Variants in RFX3 observed in about 807,000 individuals in gnomAD.
RFX3 encodes regulatory factor X3, also known as transcription factor RFX3.
Under a neutral mutation model 98.6 loss-of-function variants are expected in RFX3, and 14 were observed. The ratio of observed to expected loss-of-function variants is 0.14; its 90% CI spans 0.09 to 0.22. The LOEUF (loss-of-function observed/expected upper bound fraction) is 0.22. Ranked by LOEUF, RFX3 falls within the 10% of genes least tolerant of loss-of-function variation. The pLI, the probability that RFX3 is intolerant of heterozygous loss-of-function variation, is 1.00. For missense variants in RFX3, 639 were observed against 926.9 expected (o/e 0.69, Z 4.03); for synonymous variants, 383 against 328.4 (o/e 1.17, Z -1.80).
Position 3,224,896 on chromosome 9 carries a change from A to G in RFX3, c.*146T>C. The stretch of plus-strand genomic sequence containing the variant: ...AAAAAAGATCTGGCAAAATACATAC[A>G]CCCATTCCATTTCACAACTCCAAAA... On this transcript the variant is annotated 3_prime_UTR_variant, in exon 17 of 17. Coordinates refer to ENST00000617270, the MANE Select transcript of RFX3 (RefSeq NM_001282116.2). 2 of 743,648 alleles carry G rather than the reference A, an allele frequency of 2.7e-6. No homozygotes were observed. The highest frequency in any genetic ancestry group is 4.5e-6 in the Non-Finnish European group (2 of 448,610). 46.1% of individuals were successfully genotyped at this position (743,648 alleles called of 1,614,324 possible).
chr9:3,504,914 A>ATCTT (rs1564185675), intron 1 of RFX3, among the ~76,000 whole-genome samples: 2 of 68,930 alleles, frequency 2.9e-5, no homozygotes, highest in African/African-American at 1.6e-4. Context: ...ATATATATAT[A>ATCTT]ATATAACATA....
At chr9:3,394,575 T>A (rs1303221296) in intron 2 of RFX3, among the ~76,000 whole-genome samples, 1 of 152,176 alleles carries the variant, frequency 6.6e-6, no homozygotes, top group Non-Finnish European at 1.5e-5. Flanking sequence ...CAATTCTATA[T>A]CCTGTAAAGA....
chr9:3,452,100 G>A (rs1846694557), intron 1 of RFX3, among the ~76,000 whole-genome samples: 1 of 150,850 alleles, frequency 6.6e-6, no homozygotes, highest in South Asian at 2.1e-4. Flanking sequence ...AGACAAACCT[G>A]CTGCAAGGGC....
At position 3,490,294 on chromosome 9, in the gene RFX3, G is replaced by A. The variant is rs1026117518; in HGVS notation, c.-9+35453C>T. ...TTCAAATTACCTCATATTCCTTCCA[G>A]AGCCAAACTCAACGTATTCTCTACC... On this transcript the variant is annotated intron_variant, in intron 1 of 16. Coordinates refer to ENST00000617270, the MANE Select transcript of RFX3 (RefSeq NM_001282116.2). 28 of 934,886 alleles carry A rather than the reference G, an allele frequency of 3.0e-5. No individual in the cohort carries two copies. In the Admixed American group the frequency reaches 2.2e-3, roughly 74 times the overall value. 57.9% of individuals were successfully genotyped at this position (934,886 alleles called of 1,614,324 possible). A position where few individuals can be genotyped will look rare whatever the true frequency, so the allele number is the denominator to read the frequency against.
intron 4 of RFX3, among the ~76,000 whole-genome samples, chr9:3,318,479 A>G (rs1331704486): frequency 6.6e-6 from 1 of 151,924 alleles, no homozygotes; most frequent in Non-Finnish European, 1.5e-5. Context: ...TATGTAAGAA[A>G]CATGTACGTT....
intron 1 of RFX3, among the ~76,000 whole-genome samples, chr9:3,452,571 C>CAAAATA (rs1846756540): frequency 6.6e-6 from 1 of 151,832 alleles, no homozygotes. Context: ...CCAGCCTGGG[C>CAAAATA]AAAATAAAAA....
At position 3,277,374 on chromosome 9, in the gene RFX3, T is replaced by G. The variant is rs983508404; in HGVS notation, c.939A>C (p.Val313=). 1 of 1,612,816 alleles carries G rather than the reference T, an allele frequency of 6.2e-7. No individual in the cohort carries two copies. The highest frequency in any genetic ancestry group is 1.7e-5 in the Admixed American group (1 of 59,946). The part of the protein sequence containing the change: ...QQTGTSVEQT[V]IAQSQHHQQF... ...GTTGATGATGTTGGCTTTGGGCAAT[T>G]ACAGTTTGCTCAACAGATGTGCCTG... The change falls in exon 8 of 17, where the codon GTA becomes GTC. Residue 313 remains valine, a synonymous_variant. Coordinates refer to ENST00000617270, the MANE Select transcript of RFX3 (RefSeq NM_001282116.2).
intron 14 of RFX3, among the ~76,000 whole-genome samples, chr9:3,253,829 G>A (rs1821751777): frequency 6.6e-6 from 1 of 152,016 alleles, no homozygotes; most frequent in Admixed American, 6.6e-5. Flanking sequence ...CATCTGTAAT[G>A]CCAAAAACAT....
At chr9:3,284,082 G>A (rs1826265758) in intron 7 of RFX3, among the ~76,000 whole-genome samples, 1 of 151,700 alleles carries the variant, frequency 6.6e-6, no homozygotes, top group South Asian at 2.1e-4. Context: ...TTGACAGATT[G>A]TGTATGCAAA....
At chr9:3,364,010 G>T (rs1836768082) in intron 2 of RFX3, among the ~76,000 whole-genome samples, 1 of 152,128 alleles carries the variant, frequency 6.6e-6, no homozygotes, top group Non-Finnish European at 1.5e-5. Context: ...TGAGTAGCTG[G>T]GACCACAGGT....
chr9:3,285,361 A>G (rs879230922), intron 7 of RFX3, among the ~76,000 whole-genome samples: 2 of 151,810 alleles, frequency 1.3e-5, no homozygotes, highest in Admixed American at 1.3e-4. Flanking sequence ...TGAATTTTGA[A>G]ATTGAAAATT....
intron 1 of RFX3, among the ~76,000 whole-genome samples, chr9:3,508,709 C>T (rs540653846): frequency 3.3e-5 from 5 of 151,984 alleles, no homozygotes; most frequent in South Asian, 2.1e-4. Flanking sequence ...AAATGACAAG[C>T]GGTTTTCCCC....
At chr9:3,361,842 G>T (rs1471780213) in intron 2 of RFX3, among the ~76,000 whole-genome samples, 9 of 151,974 alleles carry the variant, frequency 5.9e-5, no homozygotes, top group Non-Finnish European at 1.0e-4. Flanking sequence ...AGCTACTCAG[G>T]AGACCAAGGC....
At chr9:3,456,245 G>C (rs1847141008) in intron 1 of RFX3, among the ~76,000 whole-genome samples, 1 of 152,180 alleles carries the variant, frequency 6.6e-6, no homozygotes, top group Non-Finnish European at 1.5e-5. Context: ...ATGGCACTGT[G>C]GGACATGGCA....
intron 2 of RFX3, among the ~76,000 whole-genome samples, chr9:3,391,810 C>T (rs1446640753): frequency 6.6e-6 from 1 of 152,140 alleles, no homozygotes; most frequent in African/African-American, 2.4e-5. Context: ...ATCAGGTTCC[C>T]TCTACCAACC....
At chr9:3,457,005 G>C (rs368026042) in intron 1 of RFX3, among the ~76,000 whole-genome samples, 1 of 151,898 alleles carries the variant, frequency 6.6e-6, no homozygotes, top group Non-Finnish European at 1.5e-5. Flanking sequence ...GCTGGGTGTG[G>C]TGGTATGCAC....
At chr9:3,287,573 A>G (rs1241825996) in intron 7 of RFX3, among the ~76,000 whole-genome samples, 1 of 151,938 alleles carries the variant, frequency 6.6e-6, no homozygotes, top group Non-Finnish European at 1.5e-5. Context: ...ATATTTTTCA[A>G]ATCTAAGATC....
intron 1 of RFX3, among the ~76,000 whole-genome samples, chr9:3,451,334 C>G (rs1846607355): frequency 6.6e-6 from 1 of 152,012 alleles, no homozygotes; most frequent in African/African-American, 2.4e-5. Context: ...TCACTTGAGC[C>G]CAGGAGTTCA....
chr9:3,367,167 C>A (rs991270192), intron 2 of RFX3, among the ~76,000 whole-genome samples: 1 of 152,092 alleles, frequency 6.6e-6, no homozygotes, highest in Non-Finnish European at 1.5e-5. Flanking sequence ...ATTGAGTAGG[C>A]CTGCTCTAGC....
Sources: gnomAD v4.1 joint callset for allele counts (sites outside exome capture counted in the v4.1 genomes callset) on GRCh38, gnomAD v4.1.1 for gene constraint, MANE v1.5 for transcripts, NCBI Gene and HGNC (gene_info 2026-07-23, HGNC 2026-07-21) for gene names.